SGCD: variants seen among roughly 807,000 people sequenced by gnomAD.
SGCD encodes the protein sarcoglycan delta.
Under a neutral mutation model 36.6 loss-of-function variants are expected in SGCD, and 18 were observed. The ratio of observed to expected loss-of-function variants is 0.49; its 90% CI spans 0.34 to 0.73. SGCD has a LOEUF of 0.73. Ranked by LOEUF, SGCD falls within the 30% of genes least tolerant of loss-of-function variation. SGCD has a pLI of 0.01. For missense variants in SGCD, 387 were observed against 346.7 expected (o/e 1.12, Z -0.92); for synonymous variants, 133 against 130.6 (o/e 1.02, Z -0.12).
chr5:156,682,577 T>A (rs1335224717), intron 7 of SGCD, among the ~76,000 whole-genome samples: 1 of 152,214 alleles, frequency 6.6e-6, no homozygotes, highest in East Asian at 1.9e-4. Context: ...AGACTTGCCT[T>A]AGGGTTAACA....
At chr5:156,485,707 C>G (rs573984552) in intron 3 of SGCD, among the ~76,000 whole-genome samples, 1 of 152,154 alleles carries the variant, frequency 6.6e-6, no homozygotes, top group South Asian at 2.1e-4. Flanking sequence ...TTTGCCTCCT[C>G]CACAAAAAAT....
At chr5:156,219,724 A>G (rs112575080) in intron 3 of SGCD, among the ~76,000 whole-genome samples, 71 of 152,338 alleles carry the variant, frequency 4.7e-4, no homozygotes, top group African/African-American at 1.7e-3. Context: ...CATTTCTGCT[A>G]TCTAGACCTC....
Position 156,038,911 on chromosome 5 carries a change from C to G in SGCD, c.-281-78967C>G, listed in dbSNP as rs567821801. On this transcript the variant is annotated intron_variant, in intron 1 of 9. Coordinates refer to the SGCD transcript ENST00000517913. ...TATATATTAGGTAAAAGGCAAAATCCTTAGCAGGGCCTACAAAACCCTGCT... is the reference window on the plus strand; with the variant it reads ...TATATATTAGGTAAAAGGCAAAATCGTTAGCAGGGCCTACAAAACCCTGCT... Among the ~76,000 whole-genome samples, 17 of 152,218 alleles carry G rather than the reference C, an allele frequency of 1.1e-4. No individual in the cohort carries two copies. The South Asian group carries it at 1.5e-3, about 13-fold the overall frequency.
At chr5:155,842,596 A>G in the SGCD span, among the ~76,000 whole-genome samples, 1 of 152,110 alleles carries the variant, frequency 6.6e-6, no homozygotes, top group Non-Finnish European at 1.5e-5. Context: ...AAGTGACTAA[A>G]ATAAAGTTAC....
chr5:156,361,226 C>G (rs1396878491), intron 3 of SGCD, among the ~76,000 whole-genome samples: 1 of 152,186 alleles, frequency 6.6e-6, no homozygotes, highest in East Asian at 1.9e-4. Context: ...AATAGGGCAC[C>G]CCTGTTGCAA....
At chr5:155,925,963 C>T (rs1756990646) in intron 1 of SGCD, among the ~76,000 whole-genome samples, 1 of 151,894 alleles carries the variant, frequency 6.6e-6, no homozygotes, top group African/African-American at 2.4e-5. Context: ...GGGTCTCCCT[C>T]TGTTGACCAT....
intron 3 of SGCD, among the ~76,000 whole-genome samples, chr5:156,225,194 CAG>C (rs1764820660): frequency 6.6e-6 from 1 of 152,016 alleles, no homozygotes; most frequent in Non-Finnish European, 1.5e-5. Context: ...CTTGGTGTTT[CAG>C]AGTTAGGTGA....
At chr5:156,648,800 A>G (rs771479226) in intron 7 of SGCD, among the ~76,000 whole-genome samples, 5 of 152,142 alleles carry the variant, frequency 3.3e-5, no homozygotes, top group Non-Finnish European at 7.4e-5. Flanking sequence ...CTTTTAAGCA[A>G]ATACGTCTGA....
At chr5:155,729,213 C>G in the SGCD span, among the ~76,000 whole-genome samples, 1 of 152,212 alleles carries the variant, frequency 6.6e-6, no homozygotes, top group African/African-American at 2.4e-5. Flanking sequence ...AAAAGGGGCT[C>G]CCTAGAGCAG....
chr5:155,980,401 C>T lies in SGCD; in HGVS notation c.-282+109977C>T, dbSNP rs566685156. Among the ~76,000 whole-genome samples, 8 of 151,538 alleles carry T rather than the reference C, an allele frequency of 5.3e-5. 1 individual carries two copies. Among genetic ancestry groups the T allele is most frequent in the African/African-American group, 1.9e-4 (8 of 41,310 alleles). On this transcript the variant is annotated intron_variant, in intron 1 of 9. Coordinates refer to the SGCD transcript ENST00000517913. Reference sequence around the variant, plus strand: ...GAGATGGAGACCATCCTGGCTAACACGGTGAAACCCCGTCTCTACTAAAAA... The same window carrying T: ...GAGATGGAGACCATCCTGGCTAACATGGTGAAACCCCGTCTCTACTAAAAA...
At chr5:156,090,897 A>C (rs898354908) in intron 1 of SGCD, among the ~76,000 whole-genome samples, 1 of 152,182 alleles carries the variant, frequency 6.6e-6, no homozygotes. Context: ...CAGAAGAAAA[A>C]TATGGCTGTA....
At chr5:156,359,107 TG>T (rs1462349262) in intron 3 of SGCD, among the ~76,000 whole-genome samples, 1 of 152,210 alleles carries the variant, frequency 6.6e-6, no homozygotes, top group Non-Finnish European at 1.5e-5. Context: ...GGCTACCTTG[TG>T]GTATAATTGG....
chr5:156,260,898 T>G (rs866255720), intron 3 of SGCD, among the ~76,000 whole-genome samples: 1 of 152,152 alleles, frequency 6.6e-6, no homozygotes, highest in South Asian at 2.1e-4. Context: ...TGTTAAATAT[T>G]ATGCCTTTCA....
chr5:156,544,935 TGGA>T (rs1758504700), intron 4 of SGCD, among the ~76,000 whole-genome samples: 2 of 152,328 alleles, frequency 1.3e-5, no homozygotes, highest in South Asian at 4.1e-4. Context: ...AGCTAGTTTG[TGGA>T]GGAGTCCAAG....
chr5:156,001,014 A>G (rs994149450), intron 1 of SGCD, among the ~76,000 whole-genome samples: 2 of 152,126 alleles, frequency 1.3e-5, no homozygotes, highest in Admixed American at 1.3e-4. Flanking sequence ...GTTGTCTTTC[A>G]CTGGGACCAT....
intron 2 of SGCD, among the ~76,000 whole-genome samples, chr5:156,336,360 C>G (rs538663560): frequency 1.3e-5 from 2 of 152,292 alleles, no homozygotes; most frequent in South Asian, 4.1e-4. Context: ...GCACTGTTCC[C>G]TTCTGCTGCT....
rs140512581 is a variant in SGCD, at chr5:156,535,275, G to A, written c.294+26573G>A. On this transcript the variant is annotated intron_variant, in intron 4 of 8. Transcript: ENST00000337851. ...GCAAAATAGAAACAAAGCAAAGGTA[G>A]GTAGCCCCAGTTGGCACAGTTGATT... is the stretch of plus-strand genomic sequence containing the variant. Among the ~76,000 whole-genome samples, 1,468 of 152,290 alleles carry A rather than the reference G, an allele frequency of 9.6e-3. 18 individuals are homozygous for A. Among genetic ancestry groups the A allele is most frequent in the Admixed American group, 0.019 (293 of 15,292 alleles).
intron 3 of SGCD, among the ~76,000 whole-genome samples, chr5:156,295,087 A>G (rs191618537): frequency 1.3e-5 from 2 of 152,268 alleles, no homozygotes; most frequent in Non-Finnish European, 2.9e-5. Flanking sequence ...CATTCACCCA[A>G]TGAAGCCATC....
Position 156,503,158 on chromosome 5 carries a change from T to C in SGCD, c.193-5443T>C, listed in dbSNP as rs750426062. Among the ~76,000 whole-genome samples the C allele has an allele frequency of 3.2e-4, 49 of 152,352 alleles. No homozygotes were observed. The Middle Eastern group carries it at 0.01, about 32-fold the overall frequency. On this transcript the variant is annotated intron_variant, in intron 3 of 8. Transcript: ENST00000337851. ...TGGATTAGATTTATATTTCTTGAAC[T>C]GTGGTCGTTTCTGTACCTCCTTCAC...
Sources: gnomAD v4.1 joint callset for allele counts (sites outside exome capture counted in the v4.1 genomes callset) on GRCh38, gnomAD v4.1.1 for gene constraint, MANE v1.5 for transcripts, NCBI Gene and HGNC (gene_info 2026-07-23, HGNC 2026-07-21) for gene names.